The following UNC5D variants were observed in gnomAD, a reference collection of about 807,000 sequenced individuals.
UNC5D encodes the protein unc-5 netrin receptor D.
In UNC5D, 39 loss-of-function variants were observed where a neutral mutation model predicts 105.4. That is an observed-to-expected ratio of 0.37 (90% CI 0.29 to 0.48). UNC5D has a LOEUF of 0.48. Among genes scored for constraint, UNC5D ranks in the 20% least tolerant of loss-of-function variants. The probability of loss-of-function intolerance (pLI) is 0.98; values close to 1 mark genes in which losing one functional copy is unlikely to be tolerated. For synonymous variants in UNC5D, 452 were observed against 450.4 expected, an observed-to-expected ratio of 1.00 and a Z score of -0.04; for missense variants, 991 against 1,202.4, an observed-to-expected ratio of 0.82 and a Z score of 2.60.
At chr8:35,258,657 C>T (rs911992252) in intron 1 of UNC5D, among the ~76,000 whole-genome samples, 10 of 151,976 alleles carry the variant, frequency 6.6e-5, no homozygotes, top group African/African-American at 2.4e-4. Context: ...ATTATTAATA[C>T]TACTGCTGCT....
At chr8:35,427,984 T>G (rs375060037) in intron 1 of UNC5D, among the ~76,000 whole-genome samples, 2 of 152,170 alleles carry the variant, frequency 1.3e-5, no homozygotes, top group East Asian at 3.9e-4. Context: ...TAACAAAGTC[T>G]TCTGGCTTGA....
chr8:35,360,001 A>G (rs1390556208), intron 1 of UNC5D, among the ~76,000 whole-genome samples: 1 of 152,216 alleles, frequency 6.6e-6, no homozygotes, highest in African/African-American at 2.4e-5. Context: ...TCTCAGACTT[A>G]CAAAACAGTT....
At chr8:35,603,552 A>G (rs1336924490) in intron 4 of UNC5D, among the ~76,000 whole-genome samples, 1 of 152,086 alleles carries the variant, frequency 6.6e-6, no homozygotes, top group South Asian at 2.1e-4. Context: ...GTAGATGTCT[A>G]TTAGGTCCAC....
At chr8:35,766,827 C>T (rs945441991) in intron 14 of UNC5D, 75 bp from the exon 15 acceptor site, 2 of 1,479,406 alleles carry the variant, frequency 1.4e-6, no homozygotes, top group South Asian at 1.4e-5. Context: ...ATCATCATCA[C>T]TATTAAGTCT....
At chr8:35,562,134 G>A (rs927181347) in intron 2 of UNC5D, among the ~76,000 whole-genome samples, 2 of 152,090 alleles carry the variant, frequency 1.3e-5, no homozygotes, top group African/African-American at 4.8e-5. Flanking sequence ...ATTTGTCTCT[G>A]CACTTGGCTT....
At chr8:35,565,824 G>A (rs979760687) in intron 2 of UNC5D, among the ~76,000 whole-genome samples, 1 of 152,102 alleles carries the variant, frequency 6.6e-6, no homozygotes, top group Non-Finnish European at 1.5e-5. Context: ...GAATTAGGGT[G>A]TCCTTTCCCC....
At position 35,774,344 on chromosome 8, in the gene UNC5D, T is replaced by G. The variant is rs564199277; in HGVS notation, c.2524T>G (p.Phe842Val). The G allele has an allele frequency of 1.7e-4, 280 of 1,614,082 alleles. 2 individuals are homozygous for G. In the South Asian group the frequency reaches 2.9e-3, roughly 17 times the overall value. ...TTTCTTCGCACAAGAGGACAGCACT[T>G]TCCCTGCACAGACTGGCCCCAAAGC... ...ITFFAQEDST[F>V]PAQTGPKAFK... is the part of the protein sequence containing the mutation. Residue 842 changes from phenylalanine (F) to valine (V), a missense_variant, in exon 16 of 17, where the codon TTC becomes GTC. Phe to Val is a conservative substitution (Grantham distance 50). Coordinates refer to ENST00000404895, the MANE Select transcript of UNC5D (RefSeq NM_080872.4).
intron 1 of UNC5D, chr8:35,525,709 T>G (rs893453262): frequency 8.8e-6 from 14 of 1,596,158 alleles, no homozygotes; most frequent in Non-Finnish European, 1.1e-5. Flanking sequence ...TCCTGGCACG[T>G]CCGGCACGAC....
intron 1 of UNC5D, among the ~76,000 whole-genome samples, chr8:35,369,008 A>G (rs927631630): frequency 5.3e-5 from 8 of 152,220 alleles, no homozygotes; most frequent in African/African-American, 1.9e-4. Context: ...TTGTTATGGC[A>G]GTCTGACCTA....
chr8:35,249,900 A>G (rs1041284454), intron 1 of UNC5D, among the ~76,000 whole-genome samples: 2 of 152,070 alleles, frequency 1.3e-5, no homozygotes, highest in African/African-American at 4.8e-5. Flanking sequence ...TTGAATCTAC[A>G]AATCCCTTGT....
At chr8:35,707,161 T>A (rs1451851489) in intron 8 of UNC5D, among the ~76,000 whole-genome samples, 2 of 152,152 alleles carry the variant, frequency 1.3e-5, no homozygotes, top group Non-Finnish European at 2.9e-5. Context: ...ATTAAGACCC[T>A]GTGAGGATAG....
At position 35,271,690 on chromosome 8, in the gene UNC5D, TGTATACATGTATAC is replaced by T. The variant is rs1563268081; in HGVS notation, c.103+35804_103+35817del. ...ACAGGTATACATATATATGTATACA[TGTATACATGTATAC>T]ATATATATTTATACATGTATACATG... is the stretch of plus-strand genomic sequence containing the variant. On this transcript the variant is annotated intron_variant, in intron 1 of 16. Transcript: ENST00000404895. Among the ~76,000 whole-genome samples, 31 of 73,168 alleles carry T rather than the reference TGTATACATGTATAC, an allele frequency of 4.2e-4. 1 individual carries two copies. Among genetic ancestry groups the T allele is most frequent in the African/African-American group, 1.7e-3 (31 of 18,034 alleles). 48.0% of individuals were successfully genotyped at this position (73,168 alleles called of 152,430 possible).
chr8:35,435,053 T>A (rs561888555), intron 1 of UNC5D, among the ~76,000 whole-genome samples: 10 of 152,092 alleles, frequency 6.6e-5, no homozygotes, highest in African/African-American at 2.4e-4. Flanking sequence ...GATCTTAAAC[T>A]TGGAAAGACT....
intron 1 of UNC5D, among the ~76,000 whole-genome samples, chr8:35,272,260 G>T (rs146449674): frequency 1.1e-4 from 17 of 152,258 alleles, no homozygotes; most frequent in African/African-American, 4.1e-4. Context: ...AGAATGTAAT[G>T]ATTTCTTCCT....
chr8:35,265,662 A>G (rs1162675273), intron 1 of UNC5D, among the ~76,000 whole-genome samples: 1 of 152,046 alleles, frequency 6.6e-6, no homozygotes, highest in Non-Finnish European at 1.5e-5. Flanking sequence ...CCAGGTCAGG[A>G]GATCGAGACC....
chr8:35,591,523 C>A (rs919001472), intron 3 of UNC5D, among the ~76,000 whole-genome samples: 1 of 151,880 alleles, frequency 6.6e-6, no homozygotes, highest in African/African-American at 2.4e-5. Context: ...GCTTAGAGAA[C>A]TATTATTATT....
At chr8:35,504,722 C>G (rs1198491725) in intron 1 of UNC5D, among the ~76,000 whole-genome samples, 2 of 152,110 alleles carry the variant, frequency 1.3e-5, no homozygotes, top group East Asian at 1.9e-4. Context: ...TCTTCCTGAG[C>G]CTTTTTCTAA....
chr8:35,549,246 T>A, intron 1 of UNC5D, 46 bp from the exon 2 acceptor site: 2 of 1,588,042 alleles, frequency 1.3e-6, no homozygotes, highest in Non-Finnish European at 1.7e-6. Context: ...CTGGTGTATG[T>A]GCTATCAATG....
chr8:35,320,830 G>C (rs375300190), intron 1 of UNC5D, among the ~76,000 whole-genome samples: 7 of 152,180 alleles, frequency 4.6e-5, no homozygotes, highest in South Asian at 2.1e-4. Flanking sequence ...TGAGGGGAAG[G>C]GTCCATTCAG....
Sources: allele counts gnomAD v4.1 joint callset (sites outside exome capture counted in the v4.1 genomes callset), GRCh38; gene constraint gnomAD v4.1.1; transcripts MANE v1.5; gene names NCBI Gene and HGNC (gene_info 2026-07-23, HGNC 2026-07-21).